Variants in SCN2A observed in about 807,000 individuals in gnomAD.
The protein encoded by SCN2A is sodium channel protein type 2 subunit alpha.
A neutral mutation model predicts 188.7 loss-of-function variants in SCN2A; 20 were observed. The observed-to-expected ratio is 0.11, with a 90% CI of 0.07 to 0.15. The LOEUF is 0.15. Among genes scored for constraint, SCN2A ranks in the 10% least tolerant of loss-of-function variants. The pLI, the probability that SCN2A is intolerant of heterozygous loss-of-function variation, is 1.00. For missense variants in SCN2A, 1,278 were observed against 2,445.0 expected (o/e 0.52, Z 10.07); for synonymous variants, 804 against 833.1 (o/e 0.97, Z 0.60).
intron 13 of SCN2A, among the ~76,000 whole-genome samples, chr2:165,329,547 C>T (rs375290443): frequency 1.0e-3 from 159 of 152,126 alleles, no homozygotes; most frequent in African/African-American, 3.8e-3. Flanking sequence ...CCGGTTATTC[C>T]TACTGTCAAG....
chr2:165,297,262 A>G (rs917258859), intron 3 of SCN2A, 127 bp downstream of exon 3: 5 of 646,304 alleles, frequency 7.7e-6, no homozygotes, highest in Non-Finnish European at 1.4e-5. Flanking sequence ...CTTTTACTCA[A>G]TCGTTAGCAT....
At chr2:165,317,411 G>A (rs1399006761) in intron 11 of SCN2A, among the ~76,000 whole-genome samples, 1 of 151,850 alleles carries the variant, frequency 6.6e-6, no homozygotes, top group Non-Finnish European at 1.5e-5. Context: ...GCAAAGGAGG[G>A]AGGAAGATAG....
chr2:165,252,555 C>CA (rs1190201859), intron 1 of SCN2A, among the ~76,000 whole-genome samples: 3 of 151,326 alleles, frequency 2.0e-5, no homozygotes, highest in Non-Finnish European at 4.4e-5. Context: ...TGCCATTAAA[C>CA]AAAAAAAGGA....
intron 16 of SCN2A, among the ~76,000 whole-genome samples, chr2:165,351,866 T>C (rs1699934638): frequency 6.9e-6 from 1 of 144,444 alleles, no homozygotes. Context: ...AGTAAAGCTG[T>C]GCTTGTTTTT....
intron 3 of SCN2A, among the ~76,000 whole-genome samples, chr2:165,307,216 G>A (rs1421174393): frequency 2.0e-5 from 3 of 152,082 alleles, no homozygotes; most frequent in South Asian, 2.1e-4. Flanking sequence ...GATCTTCATA[G>A]CAATCCTGTT....
intron 1 of SCN2A, among the ~76,000 whole-genome samples, chr2:165,254,798 G>A (rs1694246476): frequency 6.6e-6 from 1 of 151,634 alleles, no homozygotes; most frequent in African/African-American, 2.4e-5. Flanking sequence ...ACAATTAACA[G>A]CTTTGCATAA....
chr2:165,288,530 AC>A (rs1188043209), intron 1 of SCN2A, among the ~76,000 whole-genome samples: 1 of 151,706 alleles, frequency 6.6e-6, no homozygotes, highest in Non-Finnish European at 1.5e-5. Flanking sequence ...TTGGAACTAA[AC>A]CTAGCATTAA....
At chr2:165,255,204 G>A (rs1206509867) in intron 1 of SCN2A, among the ~76,000 whole-genome samples, 1 of 151,236 alleles carries the variant, frequency 6.6e-6, no homozygotes, top group Non-Finnish European at 1.5e-5. Context: ...TTTCCCATAG[G>A]GGTATATCAA....
chr2:165,379,340 C>T (rs1270167778), intron 23 of SCN2A, among the ~76,000 whole-genome samples: 2 of 151,606 alleles, frequency 1.3e-5, no homozygotes, highest in Non-Finnish European at 3.0e-5. Context: ...TATAATTCTA[C>T]TTATATAAAG....
chr2:165,303,277 T>G (rs992718262), intron 3 of SCN2A, among the ~76,000 whole-genome samples: 3 of 94,308 alleles, frequency 3.2e-5, no homozygotes, highest in Admixed American at 1.0e-4. Flanking sequence ...TGAGTTTTTT[T>G]TTTTTTTTTT....
chr2:165,364,732 A>C (rs1247092157), intron 17 of SCN2A, among the ~76,000 whole-genome samples: 1 of 152,212 alleles, frequency 6.6e-6, no homozygotes, highest in Admixed American at 6.5e-5. Flanking sequence ...TTTGACATGA[A>C]AATACACTTG....
intron 1 of SCN2A, among the ~76,000 whole-genome samples, chr2:165,248,216 T>A (rs1693935586): frequency 6.6e-6 from 1 of 152,140 alleles, no homozygotes; most frequent in Non-Finnish European, 1.5e-5. Flanking sequence ...TTACGCCACA[T>A]CCCTGCTCAA....
At chr2:165,319,229 C>T (rs577539080) in intron 11 of SCN2A, among the ~76,000 whole-genome samples, 4 of 152,030 alleles carry the variant, frequency 2.6e-5, no homozygotes, top group Admixed American at 6.5e-5. Flanking sequence ...CCCAGCTGCT[C>T]GGGAGGCTGA....
chr2:165,337,170 T>C (rs889399684), intron 14 of SCN2A, among the ~76,000 whole-genome samples: 14 of 152,024 alleles, frequency 9.2e-5, no homozygotes, highest in African/African-American at 3.4e-4. Context: ...AAAGTACACA[T>C]TCTAATATGA....
intron 17 of SCN2A, among the ~76,000 whole-genome samples, chr2:165,356,334 A>C (rs1700179622): frequency 6.6e-6 from 1 of 152,206 alleles, no homozygotes; most frequent in Non-Finnish European, 1.5e-5. Context: ...AAGTTGAATA[A>C]TATCTTAAAA....
At chr2:165,261,990 G>A (rs1343325439) in intron 1 of SCN2A, among the ~76,000 whole-genome samples, 1 of 152,142 alleles carries the variant, frequency 6.6e-6, no homozygotes, top group African/African-American at 2.4e-5. Flanking sequence ...ATACAAACTA[G>A]TGTTTTATCC....
intron 1 of SCN2A, among the ~76,000 whole-genome samples, chr2:165,293,238 C>A (rs1036068288): frequency 6.6e-6 from 1 of 152,128 alleles, no homozygotes; most frequent in Non-Finnish European, 1.5e-5. Flanking sequence ...TTATTTTTAA[C>A]CCTTACATAT....
intron 11 of SCN2A, among the ~76,000 whole-genome samples, chr2:165,315,968 G>A (rs1321723659): frequency 6.6e-6 from 1 of 152,116 alleles, no homozygotes; most frequent in Non-Finnish European, 1.5e-5. Context: ...ATCCCTCTGG[G>A]TTTGGAAAAA....
At chr2:165,312,845 A>C (rs1006269463) in intron 8 of SCN2A, among the ~76,000 whole-genome samples, 1 of 152,174 alleles carries the variant, frequency 6.6e-6, no homozygotes, top group Non-Finnish European at 1.5e-5. Flanking sequence ...TACTGTGGAC[A>C]TTAGTAGCTA....
Sources: gnomAD v4.1 joint callset for allele counts (sites outside exome capture counted in the v4.1 genomes callset) on GRCh38, gnomAD v4.1.1 for gene constraint, MANE v1.5 for transcripts, NCBI Gene and HGNC (gene_info 2026-07-23, HGNC 2026-07-21) for gene names.